The following TMEM132C variants were observed in gnomAD, a reference collection of about 807,000 sequenced individuals.
TMEM132C encodes the protein protein phosphatase 1, regulatory subunit 152.
In TMEM132C, 29 loss-of-function variants were observed where a neutral mutation model predicts 61.4. The ratio of observed to expected loss-of-function variants is 0.47; its 90% confidence interval spans 0.35 to 0.64. The LOEUF (loss-of-function observed/expected upper bound fraction) is 0.64, where lower values mean the gene tolerates loss of function less well. Among genes scored for constraint, TMEM132C ranks in the 30% least tolerant of loss-of-function variants. TMEM132C has a pLI of 0.00. For missense variants in TMEM132C, 1,408 were observed against 1,476.9 expected (o/e 0.95, Z 0.76); for synonymous variants, 656 against 633.1 (o/e 1.04, Z -0.54).
intron 1 of TMEM132C, among the ~76,000 whole-genome samples, chr12:128,328,631 A>G (rs1427112971): frequency 6.6e-6 from 1 of 152,006 alleles, no homozygotes; most frequent in East Asian, 1.9e-4. Context: ...TACCAAAAAT[A>G]CAAAAATTAG....
In TMEM132C at chr12:128,669,438, G is replaced by A. The variant is rs1392247844; in HGVS notation, c.1327G>A (p.Ala443Thr). 4 of 1,551,444 alleles carry A rather than the reference G, an allele frequency of 2.6e-6. No homozygotes were observed. Among genetic ancestry groups the A allele is most frequent in the Admixed American group, 2.0e-5 (1 of 50,972 alleles). ...GCAGGACACTGAAATTCTGAACACCGCCGTACTCACAGGAAAGACAGTTGC... is the reference window on the plus strand; with the variant it reads ...GCAGGACACTGAAATTCTGAACACCACCGTACTCACAGGAAAGACAGTTGC... ...LAMDTEILNT[A>T]VLTGKTVAMP... Residue 443 changes from alanine (A) to threonine (T), a missense_variant, in exon 5 of 9, where the codon GCC becomes ACC. Ala to Thr is a moderately conservative substitution (Grantham distance 58, BLOSUM62 0). Coordinates refer to ENST00000435159, the MANE Select transcript of TMEM132C (RefSeq NM_001136103.3).
chr12:128,442,836 A>AT (rs1869844260), intron 2 of TMEM132C, among the ~76,000 whole-genome samples: 1 of 152,194 alleles, frequency 6.6e-6, no homozygotes, highest in Non-Finnish European at 1.5e-5. Flanking sequence ...GAACATTTTC[A>AT]TCACCCCAAA....
At chr12:128,636,562 G>T (rs1954105763) in intron 4 of TMEM132C, among the ~76,000 whole-genome samples, 1 of 96,164 alleles carries the variant, frequency 1.0e-5, no homozygotes, top group Non-Finnish European at 2.0e-5. Context: ...TTGGGTTTTT[G>T]TTTGTGTGTG....
intron 1 of TMEM132C, among the ~76,000 whole-genome samples, chr12:128,294,616 A>G (rs34736867): frequency 0.23 from 34,590 of 151,990 alleles, 4,402 homozygotes; most frequent in East Asian, 0.5. Flanking sequence ...TCCAGAGCCC[A>G]GAGATCCAAG....
In TMEM132C at chr12:128,659,854, C is replaced by T. The variant is rs183681856; in HGVS notation, c.1306-9563C>T. Reference sequence around the variant, plus strand: ...GGTGAGACAGGCCCTCAGGGCCACTCGTCCACTCCCACAACCCCCACTGGT... The same window carrying T: ...GGTGAGACAGGCCCTCAGGGCCACTTGTCCACTCCCACAACCCCCACTGGT... On this transcript the variant is annotated intron_variant, in intron 4 of 8. Coordinates refer to ENST00000435159, the MANE Select transcript of TMEM132C (RefSeq NM_001136103.3). Among the ~76,000 whole-genome samples the T allele has an allele frequency of 1.9e-3, 288 of 152,342 alleles. 1 individual carries two copies. The highest frequency in any genetic ancestry group is 6.4e-3 in the African/African-American group (265 of 41,586).
intron 1 of TMEM132C, among the ~76,000 whole-genome samples, chr12:128,285,381 GAAAAC>G (rs1178102905): frequency 3.3e-5 from 5 of 150,636 alleles, no homozygotes; most frequent in African/African-American, 1.2e-4. Context: ...AAATAGGAAT[GAAAAC>G]AAAAAAAAAG....
chr12:128,570,234 C>T lies in TMEM132C; in HGVS notation c.1121+26131C>T, dbSNP rs540163147. 6.6e-6 allele frequency among the ~76,000 whole-genome samples: 1 copy of T among 152,234 alleles called. No homozygotes were observed. The highest frequency in any genetic ancestry group is 1.9e-4 in the East Asian group (1 of 5,180). Reference sequence around the variant, plus strand: ...CCCCCGCACCCCCCACACACTCACACTGTGGTCACATTGAGAAAAGATGCA... The same window carrying T: ...CCCCCGCACCCCCCACACACTCACATTGTGGTCACATTGAGAAAAGATGCA... On this transcript the variant is annotated intron_variant, in intron 3 of 8. Transcript: ENST00000435159. The surrounding 1 kb of genome is among the most constrained non-coding windows in gnomAD (Gnocchi z 4.7).
At position 128,604,748 on chromosome 12, in the gene TMEM132C, GGATA is replaced by G. The variant is rs545068680; in HGVS notation, c.1122-11399_1122-11396del. 2.9e-3 allele frequency among the ~76,000 whole-genome samples: 436 copies of G among 151,610 alleles called. 3 individuals are homozygous for G. Among genetic ancestry groups the G allele is most frequent in the African/African-American group, 0.01 (419 of 41,338 alleles). The stretch of plus-strand genomic sequence containing the variant: ...GATGGAAGATAGATAATGGATGGAG[GGATA>G]GATAATAAATGGATGGATGGATAGA... On this transcript the variant is annotated intron_variant, in intron 3 of 8. Transcript: ENST00000435159.
chr12:128,414,693 G>T (rs1160926211), intron 1 of TMEM132C, 39 bp from the exon 2 acceptor site: 1 of 1,477,934 alleles, frequency 6.8e-7, no homozygotes, highest in South Asian at 1.4e-5. Context: ...TAATAATCCT[G>T]TCTTTGTCTT....
At chr12:128,569,300 A>G (rs553357628) in intron 3 of TMEM132C, among the ~76,000 whole-genome samples, 21 of 152,314 alleles carry the variant, frequency 1.4e-4, no homozygotes, top group Admixed American at 1.1e-3. Flanking sequence ...AGCAGGGGCC[A>G]GTTATGATTT....
chr12:128,317,591 G>A (rs1872194960), intron 1 of TMEM132C, among the ~76,000 whole-genome samples: 1 of 152,196 alleles, frequency 6.6e-6, no homozygotes, highest in South Asian at 2.1e-4. Context: ...GGAGAATAAA[G>A]GTTATAAATT....
intron 2 of TMEM132C, among the ~76,000 whole-genome samples, chr12:128,523,434 T>C (rs1196883928): frequency 6.6e-6 from 1 of 152,224 alleles, no homozygotes; most frequent in Non-Finnish European, 1.5e-5. Flanking sequence ...ATGTGTATTT[T>C]ACCACTTTGT....
intron 2 of TMEM132C, among the ~76,000 whole-genome samples, chr12:128,478,154 C>G (rs1047257305): frequency 1.3e-5 from 2 of 152,074 alleles, no homozygotes; most frequent in African/African-American, 4.8e-5. Flanking sequence ...AAAAGTAGGT[C>G]AATGCATCAT....
At chr12:128,392,927 C>T (rs1239514335) in intron 1 of TMEM132C, among the ~76,000 whole-genome samples, 1 of 152,216 alleles carries the variant, frequency 6.6e-6, no homozygotes, top group African/African-American at 2.4e-5. Flanking sequence ...TGATACGTTT[C>T]TCTAGCTAAA....
chr12:128,555,728 TC>T lies in TMEM132C; in HGVS notation c.1121+11626del, dbSNP rs1434121672. ...GTTGCCTAACTTTTTTTTTTTTTTT[TC>T]TTTGATACAAGATCTCATTCTGTCA... On this transcript the variant is annotated intron_variant, in intron 3 of 8. Coordinates refer to ENST00000435159, the MANE Select transcript of TMEM132C (RefSeq NM_001136103.3). 3.1e-3 allele frequency among the ~76,000 whole-genome samples: 471 copies of T among 150,138 alleles called. 9 individuals are homozygous for T. The highest frequency in any genetic ancestry group is 0.011 in the African/African-American group (442 of 39,816).
chr12:128,659,312 T>C (rs989493119), intron 4 of TMEM132C, among the ~76,000 whole-genome samples: 1 of 152,186 alleles, frequency 6.6e-6, no homozygotes, highest in African/African-American at 2.4e-5. Context: ...GTGAAAGACG[T>C]CTGTGAAGCC....
chr12:128,578,012 AT>A (rs796996317), intron 3 of TMEM132C, among the ~76,000 whole-genome samples: 86 of 152,234 alleles, frequency 5.6e-4, no homozygotes, highest in African/African-American at 2.0e-3. Context: ...AAATTAACTC[AT>A]TTTTTTCTTC....
At chr12:128,288,049 C>G (rs1566043103) in intron 1 of TMEM132C, 2 of 149,646 alleles carry the variant, frequency 1.3e-5, no homozygotes, top group Non-Finnish European at 2.9e-5. Flanking sequence ...GCAGGATCCT[C>G]TCTTACTTTT....
intron 1 of TMEM132C, among the ~76,000 whole-genome samples, chr12:128,370,433 G>T (rs948083451): frequency 6.6e-6 from 1 of 152,066 alleles, no homozygotes. Context: ...CATTGGCAGG[G>T]TTAAAGGAAC....
Sources: allele counts gnomAD v4.1 joint callset (sites outside exome capture counted in the v4.1 genomes callset), GRCh38; gene constraint gnomAD v4.1.1; non-coding constraint Gnocchi (gnomAD v3.1); transcripts MANE v1.5; gene names NCBI Gene and HGNC (gene_info 2026-07-23, HGNC 2026-07-21).